MEI4: variants seen among roughly 807,000 people sequenced by gnomAD.
MEI4 encodes the protein meiosis-specific protein MEI4.
MEI4 carries 27 observed loss-of-function variants against 31.4 expected under a neutral mutation model. The ratio of observed to expected loss-of-function variants is 0.86; its 90% confidence interval spans 0.63 to 1.19. MEI4 has a LOEUF of 1.19. Ranked by LOEUF, MEI4 falls within the 50% of genes most tolerant of loss-of-function variation. The pLI, the probability that MEI4 is intolerant of heterozygous loss-of-function variation, is 0.00. For synonymous variants in MEI4, 122 were observed against 145.4 expected (o/e 0.84, Z 1.16); for missense variants, 329 against 398.9 (o/e 0.82, Z 1.49).
chr6:77,696,985 T>A (rs1160406568), intron 2 of MEI4, among the ~76,000 whole-genome samples: 1 of 152,196 alleles, frequency 6.6e-6, no homozygotes, highest in Non-Finnish European at 1.5e-5. Flanking sequence ...TCTTCTTGGT[T>A]TAGTCTTGGG....
At chr6:77,759,405 C>T (rs1439527074) in intron 2 of MEI4, among the ~76,000 whole-genome samples, 1 of 152,136 alleles carries the variant, frequency 6.6e-6, no homozygotes, top group Non-Finnish European at 1.5e-5. Flanking sequence ...AATGCATTTT[C>T]AGTCTAGACC....
chr6:77,861,575 CTG>C (rs766217386), intron 4 of MEI4, among the ~76,000 whole-genome samples: 68 of 151,962 alleles, frequency 4.5e-4, no homozygotes, highest in Non-Finnish European at 8.5e-4. Context: ...AATATTTTTC[CTG>C]TCTTTTTTTA....
intron 4 of MEI4, among the ~76,000 whole-genome samples, chr6:77,868,516 T>TATATATATAC (rs1554170590): frequency 0.023 from 3,069 of 133,752 alleles, 224 homozygotes; most frequent in African/African-American, 0.081. Context: ...TATATATATA[T>TATATATATAC]ATATATATAT....
At chr6:77,699,274 C>T (rs1373847405) in intron 2 of MEI4, among the ~76,000 whole-genome samples, 5 of 149,224 alleles carry the variant, frequency 3.4e-5, no homozygotes, top group East Asian at 2.0e-4. Flanking sequence ...ACTGCAAGCT[C>T]GGCCTCCCGG....
intron 1 of MEI4, among the ~76,000 whole-genome samples, chr6:77,675,052 T>A (rs1003228971): frequency 4.0e-5 from 6 of 151,700 alleles, no homozygotes; most frequent in Non-Finnish European, 5.9e-5. Flanking sequence ...CCTCAATTTA[T>A]TTAGTTGTTT....
At chr6:77,734,847 C>T (rs1234495261) in intron 2 of MEI4, among the ~76,000 whole-genome samples, 1 of 151,834 alleles carries the variant, frequency 6.6e-6, no homozygotes, top group Non-Finnish European at 1.5e-5. Flanking sequence ...CAAAATCTCT[C>T]AGCATTTGCT....
At chr6:77,763,418 G>A (rs1454451596) in intron 3 of MEI4, among the ~76,000 whole-genome samples, 2 of 152,092 alleles carry the variant, frequency 1.3e-5, no homozygotes, top group African/African-American at 2.4e-5. Context: ...TGCCCTTCGT[G>A]TTTATTTAGA....
At chr6:77,886,973 T>G (rs1210239760) in intron 4 of MEI4, among the ~76,000 whole-genome samples, 1 of 152,026 alleles carries the variant, frequency 6.6e-6, no homozygotes, top group Non-Finnish European at 1.5e-5. Context: ...GCTCTATTCC[T>G]TATTACTTCT....
At chr6:77,710,278 C>T (rs1051003811) in intron 2 of MEI4, among the ~76,000 whole-genome samples, 2 of 151,982 alleles carry the variant, frequency 1.3e-5, no homozygotes, top group South Asian at 2.1e-4. Context: ...AATCCCAGCA[C>T]TTTGGGAGGC....
rs533429036 is a variant in MEI4 at position 77,920,326 on chromosome 6, G to C, written c.901-2763G>C. 5.0e-4 allele frequency among the ~76,000 whole-genome samples: 76 copies of C among 152,150 alleles called. 3 individuals carry two copies. In the South Asian group the frequency reaches 0.016, roughly 31 times the overall value. On this transcript the variant is annotated intron_variant, in intron 4 of 4. Transcript: ENST00000684080. ...ATGATCAAGTGGGCTTCATCCGTGG[G>C]ATGCAAGGCTGTTTCAATATACGCA...
At chr6:77,786,460 T>C (rs575871056) in intron 3 of MEI4, among the ~76,000 whole-genome samples, 4 of 152,272 alleles carry the variant, frequency 2.6e-5, no homozygotes, top group African/African-American at 9.6e-5. Context: ...GTAAAGGTAC[T>C]ATATAAACAA....
At chr6:77,753,687 G>A (rs971130721) in intron 2 of MEI4, among the ~76,000 whole-genome samples, 1 of 152,174 alleles carries the variant, frequency 6.6e-6, no homozygotes, top group African/African-American at 2.4e-5. Context: ...GTGGAAGACA[G>A]TAGGTCGATT....
At chr6:77,920,761 A>G (rs1766684274) in intron 4 of MEI4, among the ~76,000 whole-genome samples, 1 of 151,892 alleles carries the variant, frequency 6.6e-6, no homozygotes, top group South Asian at 2.1e-4. Context: ...TTAAAACATT[A>G]ATCTCTTTAT....
At chr6:77,709,536 G>C (rs1006826217) in intron 2 of MEI4, among the ~76,000 whole-genome samples, 1 of 152,024 alleles carries the variant, frequency 6.6e-6, no homozygotes, top group East Asian at 1.9e-4. Flanking sequence ...ATACTAGTTG[G>C]TGAAAAGGTA....
rs80176320 is a variant in MEI4 at position 77,822,612 on chromosome 6, A to AC, written c.769-6308dup. ...ATGATAAGCTGGATTGCATTTGGATACCCCCCCCCCCTTTTTTTTTTTCTT... is the reference window on the plus strand; with the variant it reads ...ATGATAAGCTGGATTGCATTTGGATACCCCCCCCCCCCTTTTTTTTTTTCTT... On this transcript the variant is annotated intron_variant, in intron 3 of 4. Coordinates refer to ENST00000684080, the MANE Select transcript of MEI4 (RefSeq NM_001322247.2). Among the ~76,000 whole-genome samples the AC allele has an allele frequency of 4.0e-3, 550 of 138,686 alleles. 2 individuals carry two copies. Among genetic ancestry groups the AC allele is most frequent in the Middle Eastern group, 8.1e-3 (2 of 248 alleles). 91.0% of individuals were successfully genotyped at this position (138,686 alleles called of 152,430 possible).
chr6:77,756,165 A>G (rs1561976664), intron 2 of MEI4, among the ~76,000 whole-genome samples: 1 of 152,180 alleles, frequency 6.6e-6, no homozygotes, highest in South Asian at 2.1e-4. Context: ...ATATTAGTCT[A>G]TGTCCATGCT....
intron 3 of MEI4, among the ~76,000 whole-genome samples, chr6:77,785,788 G>T (rs898900698): frequency 6.6e-6 from 1 of 152,234 alleles, no homozygotes; most frequent in East Asian, 1.9e-4. Context: ...CTAGATAACA[G>T]GAAATTGAGG....
intron 2 of MEI4, among the ~76,000 whole-genome samples, chr6:77,751,612 A>T (rs925988455): frequency 2.6e-5 from 4 of 152,182 alleles, no homozygotes; most frequent in African/African-American, 9.7e-5. Flanking sequence ...TCTGAAATTG[A>T]GGCAGCAATT....
intron 2 of MEI4, among the ~76,000 whole-genome samples, chr6:77,751,668 G>A (rs1332661491): frequency 6.6e-6 from 1 of 152,068 alleles, no homozygotes; most frequent in Non-Finnish European, 1.5e-5. Flanking sequence ...TGGATTAACA[G>A]CCAAATTCTA....
Sources: gnomAD v4.1 joint callset for allele counts (sites outside exome capture counted in the v4.1 genomes callset) on GRCh38, gnomAD v4.1.1 for gene constraint, MANE v1.5 for transcripts, NCBI Gene and HGNC (gene_info 2026-07-23, HGNC 2026-07-21) for gene names.